EXOC4: variants seen among roughly 807,000 people sequenced by gnomAD.
EXOC4 encodes exocyst complex component 4.
A neutral mutation model predicts 107.2 loss-of-function variants in EXOC4; 71 were observed. The ratio of observed to expected loss-of-function variants is 0.66; its 90% CI spans 0.55 to 0.81. EXOC4 has a LOEUF of 0.81. EXOC4 is among the 30% of genes least tolerant of loss of function. The pLI, the probability that EXOC4 is intolerant of heterozygous loss-of-function variation, is 0.00. For synonymous variants in EXOC4, 456 were observed against 441.2 expected (o/e 1.03, Z -0.42); for missense variants, 1,108 against 1,189.6 (o/e 0.93, Z 1.01).
At chr7:133,810,043 C>T (rs145751862) in intron 10 of EXOC4, among the ~76,000 whole-genome samples, 30 of 152,316 alleles carry the variant, frequency 2.0e-4, no homozygotes, top group Non-Finnish European at 3.8e-4. Flanking sequence ...TCAGAAGGCA[C>T]ATGATGTCCA....
intron 9 of EXOC4, among the ~76,000 whole-genome samples, chr7:133,486,422 AG>A (rs958149528): frequency 1.3e-5 from 2 of 152,146 alleles, no homozygotes; most frequent in Non-Finnish European, 2.9e-5. Flanking sequence ...ACACATTTTC[AG>A]GGTCACTTTG....
chr7:134,047,153 G>A (rs1795675380), intron 17 of EXOC4, among the ~76,000 whole-genome samples: 1 of 152,134 alleles, frequency 6.6e-6, no homozygotes, highest in Admixed American at 6.5e-5. Context: ...TTTAGTTTTT[G>A]TGTGGTCCAA....
chr7:133,757,077 C>T (rs900649858), intron 10 of EXOC4, among the ~76,000 whole-genome samples: 2 of 152,076 alleles, frequency 1.3e-5, no homozygotes, highest in African/African-American at 2.4e-5. Context: ...ATTGGTTGTT[C>T]GAGATTTCGT....
At chr7:133,816,127 G>T (rs1356133963) in intron 10 of EXOC4, among the ~76,000 whole-genome samples, 2 of 152,122 alleles carry the variant, frequency 1.3e-5, no homozygotes, top group Non-Finnish European at 2.9e-5. Flanking sequence ...TTTACACAGG[G>T]ATTTCAGAGG....
At chr7:133,433,496 A>G (rs1375309612) in intron 7 of EXOC4, among the ~76,000 whole-genome samples, 1 of 152,210 alleles carries the variant, frequency 6.6e-6, no homozygotes, top group Non-Finnish European at 1.5e-5. Flanking sequence ...CCTGATCTGC[A>G]GCTTGGTACC....
At chr7:133,826,803 C>G (rs2151232137) in intron 11 of EXOC4, among the ~76,000 whole-genome samples, 1 of 152,154 alleles carries the variant, frequency 6.6e-6, no homozygotes, top group East Asian at 1.9e-4. Flanking sequence ...ATTTTTTCCC[C>G]AGTTTATCAC....
intron 11 of EXOC4, among the ~76,000 whole-genome samples, chr7:133,886,415 T>G (rs1171043864): frequency 1.3e-5 from 2 of 152,240 alleles, no homozygotes; most frequent in African/African-American, 2.4e-5. Flanking sequence ...GATTAAATTT[T>G]TTTAAGTGCA....
At chr7:133,864,946 A>G (rs1798606179) in intron 11 of EXOC4, among the ~76,000 whole-genome samples, 2 of 152,148 alleles carry the variant, frequency 1.3e-5, no homozygotes, top group Admixed American at 1.3e-4. Flanking sequence ...GCCCAATCAG[A>G]TTTAAGGTGG....
intron 9 of EXOC4, among the ~76,000 whole-genome samples, chr7:133,496,441 A>G (rs1799478467): frequency 6.6e-6 from 1 of 152,154 alleles, no homozygotes. Flanking sequence ...CACTGGGGTT[A>G]TAGGCTTGAG....
At chr7:133,440,133 C>T (rs1194193237) in intron 7 of EXOC4, among the ~76,000 whole-genome samples, 3 of 152,092 alleles carry the variant, frequency 2.0e-5, no homozygotes, top group Non-Finnish European at 2.9e-5. Context: ...CAAGGCCTTG[C>T]ATAGGTAACA....
intron 7 of EXOC4, among the ~76,000 whole-genome samples, chr7:133,464,967 A>C (rs1798692993): frequency 6.6e-6 from 1 of 151,304 alleles, no homozygotes; most frequent in Admixed American, 6.6e-5. Context: ...CTACAGGCAC[A>C]TGCATGCCTG....
intron 7 of EXOC4, among the ~76,000 whole-genome samples, chr7:133,393,102 T>A (rs1796888932): frequency 6.6e-6 from 1 of 152,198 alleles, no homozygotes; most frequent in Non-Finnish European, 1.5e-5. Context: ...CCCTCATCTC[T>A]GAATACCTTC....
chr7:133,572,962 G>A (rs1475895398), intron 9 of EXOC4, among the ~76,000 whole-genome samples: 3 of 152,116 alleles, frequency 2.0e-5, no homozygotes, highest in Non-Finnish European at 4.4e-5. Flanking sequence ...TGAGTTAGAC[G>A]TCTTCCATTC....
chr7:133,934,607 A>G (rs956152449), intron 13 of EXOC4, among the ~76,000 whole-genome samples: 8 of 152,082 alleles, frequency 5.3e-5, no homozygotes, highest in African/African-American at 1.9e-4. Flanking sequence ...ATTTGTCTTA[A>G]TTGTCGCATT....
At chr7:133,562,468 C>A (rs751507557) in intron 9 of EXOC4, among the ~76,000 whole-genome samples, 2 of 152,194 alleles carry the variant, frequency 1.3e-5, no homozygotes, top group Non-Finnish European at 2.9e-5. Context: ...TCATCTGATA[C>A]TTCCAGACTT....
chr7:133,522,894 A>G (rs1434573275), intron 9 of EXOC4, among the ~76,000 whole-genome samples: 2 of 152,160 alleles, frequency 1.3e-5, no homozygotes, highest in Non-Finnish European at 2.9e-5. Flanking sequence ...TATAAAAACC[A>G]TGACCAACTG....
intron 10 of EXOC4, among the ~76,000 whole-genome samples, chr7:133,698,002 C>T (rs1252142595): frequency 6.6e-6 from 1 of 152,120 alleles, no homozygotes; most frequent in Non-Finnish European, 1.5e-5. Context: ...ACCAGCTCTG[C>T]TGTAAAACCA....
intron 10 of EXOC4, among the ~76,000 whole-genome samples, chr7:133,755,179 A>G (rs1204992681): frequency 7.0e-6 from 1 of 142,138 alleles, no homozygotes; most frequent in Non-Finnish European, 1.5e-5. Flanking sequence ...TCTTCACACT[A>G]TGAAACAGTT....
At chr7:133,480,604 GAACAGGCTATTTGATACCCATGTA>G (rs1440022410) in intron 9 of EXOC4, 1 of 222,204 alleles carries the variant, frequency 4.5e-6, no homozygotes, top group African/African-American at 2.3e-5. Flanking sequence ...TAACTGTGAT[GAACAGGCTATTTGATACCCATGTA>G]TAGTTACCAA....
Sources: gnomAD v4.1 joint callset for allele counts (sites outside exome capture counted in the v4.1 genomes callset) on GRCh38, gnomAD v4.1.1 for gene constraint, MANE v1.5 for transcripts, NCBI Gene and HGNC (gene_info 2026-07-23, HGNC 2026-07-21) for gene names.